Variants in PACRGL observed in about 807,000 individuals in gnomAD.
The protein encoded by PACRGL is PACRG-like protein.
In PACRGL, 38 loss-of-function variants were observed where a neutral mutation model predicts 34.5. The ratio of observed to expected loss-of-function variants is 1.10; its 90% CI spans 0.85 to 1.44. The LOEUF is 1.44. Ranked by LOEUF, PACRGL falls within the 40% of genes most tolerant of loss-of-function variation. PACRGL has a pLI of 0.00. For missense variants in PACRGL, 305 were observed against 281.4 expected (o/e 1.08, Z -0.60); for synonymous variants, 128 against 100.1 (o/e 1.28, Z -1.66).
At chr4:20,744,360 A>T (rs867769445) in intron 8 of PACRGL, among the ~76,000 whole-genome samples, 2 of 152,206 alleles carry the variant, frequency 1.3e-5, no homozygotes, top group Admixed American at 6.5e-5. Flanking sequence ...GTACCAACCC[A>T]AATGTCCATC....
intron 8 of PACRGL, among the ~76,000 whole-genome samples, chr4:20,743,408 G>A (rs373621037): frequency 6.6e-6 from 1 of 152,230 alleles, no homozygotes; most frequent in East Asian, 1.9e-4. Context: ...CATGGTACTG[G>A]TACCAAAACA....
chr4:20,748,369 G>A (rs192637732), intron 8 of PACRGL, among the ~76,000 whole-genome samples: 1 of 151,768 alleles, frequency 6.6e-6, no homozygotes, highest in Non-Finnish European at 1.5e-5. Flanking sequence ...AGGAGCTCCT[G>A]ACTGTCCTTT....
chr4:20,762,718 C>T, the PACRGL span, among the ~76,000 whole-genome samples: 1 of 152,174 alleles, frequency 6.6e-6, no homozygotes, highest in Non-Finnish European at 1.5e-5. Flanking sequence ...AATCAAAATG[C>T]TTGGGAACAG....
At chr4:20,763,891 C>A in the PACRGL span, among the ~76,000 whole-genome samples, 1 of 152,096 alleles carries the variant, frequency 6.6e-6, no homozygotes, top group Non-Finnish European at 1.5e-5. Context: ...AGTCATTTAG[C>A]AGTATAAATT....
intron 8 of PACRGL, among the ~76,000 whole-genome samples, chr4:20,737,944 C>G (rs968093403): frequency 6.6e-6 from 1 of 152,022 alleles, no homozygotes. Flanking sequence ...GCAGCCTGAG[C>G]AACGCAGCCA....
At position 20,731,868 on chromosome 4, in the gene PACRGL, T is replaced by A; in HGVS notation, c.*4527T>A. ...GGTGCTTGTTTTCAGAGTGGTAGGC[T>A]TATGCTGCATGTTGTAGAAGTGGTA... On this transcript the variant is annotated 3_prime_UTR_variant, in exon 9 of 9. Coordinates refer to ENST00000503585, the MANE Select transcript of PACRGL (RefSeq NM_001258345.3). 1 of 1,439,272 alleles carries A rather than the reference T, an allele frequency of 6.9e-7. No individual in the cohort carries two copies. 89.2% of individuals were successfully genotyped at this position (1,439,272 alleles called of 1,614,324 possible).
At chr4:20,696,823 A>G (rs62410100), upstream of PACRGL, among the ~76,000 whole-genome samples, 171 of 152,378 alleles carry the variant, frequency 1.1e-3, no homozygotes, top group Non-Finnish European at 1.8e-3. Context: ...TAAATGTGCT[A>G]TACATGTAAA....
At chr4:20,755,424 T>C (rs1484457387), downstream of PACRGL, among the ~76,000 whole-genome samples, 1 of 152,222 alleles carries the variant, frequency 6.6e-6, no homozygotes, top group Non-Finnish European at 1.5e-5. Context: ...TGTACAGTGA[T>C]AGCCAGCCAC....
At chr4:20,719,753 T>C (rs1176875566) in intron 7 of PACRGL, among the ~76,000 whole-genome samples, 3 of 151,814 alleles carry the variant, frequency 2.0e-5, no homozygotes, top group African/African-American at 7.3e-5. Context: ...CTTCCAACTA[T>C]GTGGTCAATT....
the PACRGL span, among the ~76,000 whole-genome samples, chr4:20,759,750 A>AT: frequency 2.0e-5 from 3 of 152,148 alleles, no homozygotes; most frequent in Admixed American, 6.6e-5. Flanking sequence ...AAATTCCTCC[A>AT]TTTTTTGGAG....
At chr4:20,718,062 G>A (rs1009263290) in intron 7 of PACRGL, among the ~76,000 whole-genome samples, 1 of 152,004 alleles carries the variant, frequency 6.6e-6, no homozygotes, top group African/African-American at 2.4e-5. Context: ...TCCCTTGTAA[G>A]TTGGATTCCT....
Position 20,716,059 on chromosome 4 carries a change from C to T in PACRGL, c.609+2520C>T, listed in dbSNP as rs1455025280. The T allele has an allele frequency of 9.4e-6, 14 of 1,487,070 alleles. No individual in the cohort carries two copies. In the Admixed American group the frequency reaches 3.3e-4, roughly 35 times the overall value. The allele number at this position is 1,487,070 out of a possible 1,614,324, so 92.1% of individuals were successfully genotyped here. On this transcript the variant is annotated intron_variant, in intron 7 of 8. Coordinates refer to ENST00000503585, the MANE Select transcript of PACRGL (RefSeq NM_001258345.3). ...CTGTAAATTGCATTCAGGAAGAGAC[C>T]TTTTCCTGATATGTATAACTTTAAT... is the stretch of plus-strand genomic sequence containing the variant.
At chr4:20,700,125 G>A (rs1313559097), upstream of PACRGL, among the ~76,000 whole-genome samples, 1 of 152,154 alleles carries the variant, frequency 6.6e-6, no homozygotes, top group Admixed American at 6.5e-5. Context: ...GATAGCTGAG[G>A]AACAATGAGT....
chr4:20,726,892 G>A (rs1745909461), intron 8 of PACRGL, among the ~76,000 whole-genome samples: 1 of 152,062 alleles, frequency 6.6e-6, no homozygotes, highest in South Asian at 2.1e-4. Flanking sequence ...TACATGGCAG[G>A]TACTCTGCTG....
chr4:20,729,471 CTAATTTTTAAATGTTTAA>C lies in PACRGL; in HGVS notation c.*2149_*2166del, dbSNP rs139112400. 0.12 allele frequency: 17,389 copies of C among 151,182 alleles called. 1,152 individuals carry two copies. The highest frequency in any genetic ancestry group is 0.19 in the African/African-American group (7,673 of 41,074). 9.4% of individuals were successfully genotyped at this position (151,182 alleles called of 1,614,324 possible). A position where few individuals can be genotyped will look rare whatever the true frequency, so the allele number is the denominator to read the frequency against. ...GCATATGCTGATATCTGATAATAAACTAATTTTTAAATGTTTAATAATTTTTAAATGTTTAAAAATGCC... is the reference window on the plus strand; with the variant it reads ...GCATATGCTGATATCTGATAATAAACTAATTTTTAAATGTTTAAAAATGCC... On this transcript the variant is annotated 3_prime_UTR_variant, in exon 9 of 9. Transcript: ENST00000503585.
downstream of PACRGL, chr4:20,734,607 T>A: frequency 9.7e-7 from 1 of 1,029,692 alleles, no homozygotes; most frequent in Non-Finnish European, 1.4e-6. Flanking sequence ...ATTACTGTGA[T>A]GTTGGTGAGG....
chr4:20,718,512 C>T (rs1248110646), intron 7 of PACRGL, among the ~76,000 whole-genome samples: 1 of 152,114 alleles, frequency 6.6e-6, no homozygotes, highest in Non-Finnish European at 1.5e-5. Context: ...CCCATCAATA[C>T]CTAATCTATT....
intron 5 of PACRGL, chr4:20,712,572 G>C (rs1015801754): frequency 2.7e-6 from 1 of 373,294 alleles, no homozygotes; most frequent in Non-Finnish European, 4.7e-6. Flanking sequence ...CCATTGGAGG[G>C]GGGGCCCTGG....
chr4:20,712,367 C>G (rs1366259412), intron 5 of PACRGL, among the ~76,000 whole-genome samples: 2 of 150,550 alleles, frequency 1.3e-5, no homozygotes, highest in Non-Finnish European at 1.5e-5. Context: ...TAACTAGCTG[C>G]AGATCGAAAC....
Sources: allele counts gnomAD v4.1 joint callset (sites outside exome capture counted in the v4.1 genomes callset), GRCh38; gene constraint gnomAD v4.1.1; transcripts MANE v1.5; gene names NCBI Gene and HGNC (gene_info 2026-07-23, HGNC 2026-07-21).